NAP1L4: variants seen among roughly 807,000 people sequenced by gnomAD.
NAP1L4 encodes the protein nucleosome assembly protein 1-like 4.
A neutral mutation model predicts 58.2 loss-of-function variants in NAP1L4; 15 were observed. That is an observed-to-expected ratio of 0.26 (90% CI 0.17 to 0.40). NAP1L4 has a LOEUF of 0.40. Ranked by LOEUF, NAP1L4 falls within the 10% of genes least tolerant of loss-of-function variation. The pLI is 1.00. For synonymous variants in NAP1L4, 171 were observed against 155.6 expected, an observed-to-expected ratio of 1.10 and a Z score of -0.74; for missense variants, 384 against 451.1, an observed-to-expected ratio of 0.85 and a Z score of 1.35.
intron 3 of NAP1L4, 51 bp downstream of exon 3, chr11:2,978,233 G>A (rs1407244238): frequency 1.3e-6 from 2 of 1,551,122 alleles, no homozygotes; most frequent in African/African-American, 1.4e-5. Context: ...TTTCCAGAGA[G>A]AGGAACGTTC....
At chr11:2,963,525 T>C (rs1302361123) in intron 8 of NAP1L4, among the ~76,000 whole-genome samples, 1 of 152,098 alleles carries the variant, frequency 6.6e-6, no homozygotes, top group African/African-American at 2.4e-5. Flanking sequence ...TCACCTTCCA[T>C]AGTGGAAAAC....
chr11:2,980,876 CAT>C (rs1383681442), intron 1 of NAP1L4, among the ~76,000 whole-genome samples: 3 of 151,908 alleles, frequency 2.0e-5, no homozygotes, highest in Non-Finnish European at 4.4e-5. Context: ...AAATATTACA[CAT>C]TGTCTTTTTC....
chr11:2,975,217 C>T (rs186308444), intron 4 of NAP1L4, among the ~76,000 whole-genome samples: 1 of 151,354 alleles, frequency 6.6e-6, no homozygotes, highest in African/African-American at 2.4e-5. Context: ...ACTCTGGAGG[C>T]TGAGGTAGAA....
At chr11:2,977,231 C>T (rs4758502) in intron 3 of NAP1L4, among the ~76,000 whole-genome samples, 40,111 of 152,208 alleles carry the variant, frequency 0.26, 7,064 homozygotes, top group East Asian at 0.68. Context: ...AAGAGGATAT[C>T]TACACGTGCC....
At position 2,945,586 on chromosome 11, in the gene NAP1L4, G is replaced by GCCAGGCAC. The variant is rs1161693868; in HGVS notation, c.*85_*92dup. On this transcript the variant is annotated 3_prime_UTR_variant, in exon 16 of 16. Coordinates refer to ENST00000380542, the MANE Select transcript of NAP1L4 (RefSeq NM_005969.4). ...GGCCTGGAGTCCCGACAGCCGGTCT[G>GCCAGGCAC]CCAGGCACCCGCCTCCGCTTCCTAC... 1 of 1,535,540 alleles carries GCCAGGCAC rather than the reference G, an allele frequency of 6.5e-7. No individual in the cohort carries two copies. Among genetic ancestry groups the GCCAGGCAC allele is most frequent in the Non-Finnish European group, 8.7e-7 (1 of 1,146,448 alleles).
intron 2 of NAP1L4, among the ~76,000 whole-genome samples, chr11:2,978,812 T>C (rs1435156172): frequency 6.6e-6 from 1 of 152,222 alleles, no homozygotes; most frequent in Non-Finnish European, 1.5e-5. Context: ...TTTTTAAAGA[T>C]GCCTGGACAC....
At chr11:2,982,350 C>T (rs909261251) in intron 1 of NAP1L4, among the ~76,000 whole-genome samples, 2 of 152,222 alleles carry the variant, frequency 1.3e-5, no homozygotes, top group South Asian at 2.1e-4. Flanking sequence ...TTACCCCACA[C>T]ATACACACTA....
chr11:2,973,954 G>A (rs1205885954), intron 4 of NAP1L4, among the ~76,000 whole-genome samples: 1 of 152,098 alleles, frequency 6.6e-6, no homozygotes, highest in African/African-American at 2.4e-5. Flanking sequence ...ATCCTGTAGA[G>A]TAGGGGTTTG....
At position 2,976,137 on chromosome 11, in the gene NAP1L4, A is replaced by G. The variant is rs771279543; in HGVS notation, c.74-14T>C. On this transcript the variant is annotated splice_polypyrimidine_tract_variant and intron_variant, in intron 3 of 15. Transcript: ENST00000380542. The stretch of plus-strand genomic sequence containing the variant: ...CTGTGAGCTTTTCTATGAAGAGTTA[A>G]GACCAAACATATTTAAAATATGCCC... 11 of 1,598,886 alleles carry G rather than the reference A, an allele frequency of 6.9e-6. No individual in the cohort carries two copies. Among genetic ancestry groups the G allele is most frequent in the South Asian group, 1.1e-5 (1 of 89,330 alleles).
chr11:2,961,954 C>A (rs965633721), intron 8 of NAP1L4, among the ~76,000 whole-genome samples: 3 of 152,176 alleles, frequency 2.0e-5, no homozygotes, highest in Non-Finnish European at 4.4e-5. Flanking sequence ...TTTAGCTGCC[C>A]AAATGAAAAG....
rs1240618836 is a variant in NAP1L4, at chr11:2,955,986, TCTCCTC to T, written c.893-226_893-221del. ...TGAGTGCCTCTATGCCCCCCTCCCT[TCTCCTC>T]CTCCATCATGTGCCATGGGCTGGCA... On this transcript the variant is annotated intron_variant, in intron 10 of 15. Transcript: ENST00000380542. The surrounding 1 kb of genome is among the most constrained non-coding windows in gnomAD (Gnocchi z 4.2). Among the ~76,000 whole-genome samples the T allele has an allele frequency of 6.6e-6, 1 of 150,810 alleles. No homozygotes were observed. Among genetic ancestry groups the T allele is most frequent in the South Asian group, 2.1e-4 (1 of 4,768 alleles).
Position 2,971,433 on chromosome 11 carries a change from T to C in NAP1L4, c.402+15A>G. 6.2e-7 allele frequency: 1 copy of C among 1,610,110 alleles called. No homozygotes were observed. The highest frequency in any genetic ancestry group is 8.5e-7 in the Non-Finnish European group (1 of 1,177,444). Reference sequence around the variant, plus strand: ...ATTAAAACAGAACATGAGTCACATGTTTCTAAAGACTTACAGCCAATTTCT... The same window carrying C: ...ATTAAAACAGAACATGAGTCACATGCTTCTAAAGACTTACAGCCAATTTCT... On this transcript the variant is annotated intron_variant, in intron 6 of 15. Transcript: ENST00000380542. The surrounding 1 kb of genome is among the most constrained non-coding windows in gnomAD (Gnocchi z 4.2).
chr11:2,957,063 A>C (rs1328931620), intron 10 of NAP1L4, among the ~76,000 whole-genome samples: 1 of 151,916 alleles, frequency 6.6e-6, no homozygotes, highest in Non-Finnish European at 1.5e-5. Flanking sequence ...CATACCCTAA[A>C]AGTTTTAGAA....
At chr11:2,976,178 CAA>C (rs1426358302) in intron 3 of NAP1L4, 55 bp from the exon 4 acceptor site, 2 of 1,386,152 alleles carry the variant, frequency 1.4e-6, no homozygotes, top group Non-Finnish European at 1.0e-6. Context: ...ACACAATAGC[CAA>C]GAGTCAAAAA....
Position 2,951,996 on chromosome 11 carries a change from C to T in NAP1L4, c.1036-187G>A, listed in dbSNP as rs2133905029. On this transcript the variant is annotated intron_variant, in intron 12 of 15. Coordinates refer to ENST00000380542, the MANE Select transcript of NAP1L4 (RefSeq NM_005969.4). The surrounding 1 kb of genome is among the most constrained non-coding windows in gnomAD (Gnocchi z 4.0). ...TGTGCAGCGCATTTTAAAAGCATGC[C>T]AGGAAATTGAAAGTCACGCAAAACA... The T allele has an allele frequency of 6.3e-6, 4 of 639,634 alleles. No individual in the cohort carries two copies. The highest frequency in any genetic ancestry group is 1.1e-5 in the Non-Finnish European group (4 of 357,322). The allele number at this position is 639,634 out of a possible 1,614,324, so 39.6% of individuals were successfully genotyped here.
At chr11:2,985,340 C>T (rs1221675742) in intron 1 of NAP1L4, among the ~76,000 whole-genome samples, 1 of 152,164 alleles carries the variant, frequency 6.6e-6, no homozygotes, top group Non-Finnish European at 1.5e-5. Flanking sequence ...TCCCTATCAC[C>T]CTTAAAACAG....
At position 2,949,707 on chromosome 11, in the gene NAP1L4, A is replaced by C. The variant is rs897371255; in HGVS notation, c.1123-443T>G. 6.6e-5 allele frequency among the ~76,000 whole-genome samples: 10 copies of C among 152,246 alleles called. No homozygotes were observed. Among genetic ancestry groups the C allele is most frequent in the African/African-American group, 2.4e-4 (10 of 41,466 alleles). On this transcript the variant is annotated intron_variant, in intron 14 of 15. Coordinates refer to ENST00000380542, the MANE Select transcript of NAP1L4 (RefSeq NM_005969.4). This position sits in a 1 kb window ranked among gnomAD's most constrained non-coding sequence, Gnocchi z 4.0. Reference sequence around the variant, plus strand: ...GGGGTGTTAGCATGTGTAATCCACCACATCATGTTCTCTGTAATGGCTGGT... The same window carrying C: ...GGGGTGTTAGCATGTGTAATCCACCCCATCATGTTCTCTGTAATGGCTGGT...
In NAP1L4 at chr11:2,959,697, T is replaced by A. The variant is rs973084010; in HGVS notation, c.746+73A>T. On this transcript the variant is annotated intron_variant, in intron 9 of 15. Transcript: ENST00000380542. The surrounding 1 kb of genome is among the most constrained non-coding windows in gnomAD (Gnocchi z 4.9). ...GACTGTACTTTATTCCTTACTTCTA[T>A]CTTACCCATCAAGTTACAAAATTAT... 2.6e-6 allele frequency: 4 copies of A among 1,560,538 alleles called. No individual in the cohort carries two copies. The African/African-American group carries it at 5.4e-5, about 21-fold the overall frequency.
Position 2,962,707 on chromosome 11 carries a change from A to G in NAP1L4, c.606+1973T>C, listed in dbSNP as rs74792784. Among the ~76,000 whole-genome samples, 564 of 152,274 alleles carry G rather than the reference A, an allele frequency of 3.7e-3. 1 individual carries two copies. Among genetic ancestry groups the G allele is most frequent in the Middle Eastern group, 6.8e-3 (2 of 294 alleles). On this transcript the variant is annotated intron_variant, in intron 8 of 15. Transcript: ENST00000380542. ...TACTGGTCCACAGTCTACCATAACC[A>G]GAGCTCTAGTCTATGAGTCACAATG...
Sources: gnomAD v4.1 joint callset for allele counts (sites outside exome capture counted in the v4.1 genomes callset) on GRCh38, gnomAD v4.1.1 for gene constraint, Gnocchi (gnomAD v3.1) non-coding constraint, MANE v1.5 for transcripts, NCBI Gene and HGNC (gene_info 2026-07-23, HGNC 2026-07-21) for gene names.